PPFIBP1: variants seen among roughly 807,000 people sequenced by gnomAD.
PPFIBP1 encodes liprin-beta-1.
Under a neutral mutation model 137.8 loss-of-function variants are expected in PPFIBP1, and 112 were observed. The ratio of observed to expected loss-of-function variants is 0.81; its 90% CI spans 0.70 to 0.95. PPFIBP1 has a LOEUF of 0.95. Among genes scored for constraint, PPFIBP1 ranks in the 40% least tolerant of loss-of-function variants. PPFIBP1 has a pLI of 0.00. For synonymous variants in PPFIBP1, 378 were observed against 417.3 expected, an observed-to-expected ratio of 0.91 and a Z score of 1.15; for missense variants, 1,083 against 1,196.6, an observed-to-expected ratio of 0.91 and a Z score of 1.40.
chr12:27,629,134 G>A (rs2057077633), intron 2 of PPFIBP1, among the ~76,000 whole-genome samples: 1 of 152,196 alleles, frequency 6.6e-6, no homozygotes, highest in South Asian at 2.1e-4. Context: ...GCCTCAGTTA[G>A]AAGCTAAACG....
At chr12:27,692,535 C>T in intron 28 of PPFIBP1, 56 bp from the exon 29 acceptor site, 1 of 1,529,692 alleles carries the variant, frequency 6.5e-7, no homozygotes, top group Non-Finnish European at 9.0e-7. Context: ...CCTCCTGCTG[C>T]ACTTTCCCTG....
At chr12:27,659,480 G>A (rs2059410787) in intron 10 of PPFIBP1, among the ~76,000 whole-genome samples, 1 of 152,000 alleles carries the variant, frequency 6.6e-6, no homozygotes, top group African/African-American at 2.4e-5. Flanking sequence ...GAGCATGGTG[G>A]TGCATGCCTG....
intron 1 of PPFIBP1, among the ~76,000 whole-genome samples, chr12:27,575,293 T>C (rs2050466696): frequency 6.6e-6 from 1 of 152,192 alleles, no homozygotes; most frequent in South Asian, 2.1e-4. Flanking sequence ...TTTGGCCTTC[T>C]TACAGACCCT....
intron 1 of PPFIBP1, among the ~76,000 whole-genome samples, chr12:27,528,406 T>C (rs1944020045): frequency 6.6e-6 from 1 of 152,188 alleles, no homozygotes; most frequent in Admixed American, 6.5e-5. Flanking sequence ...GTGTGTTATG[T>C]CAGTTATTTT....
intron 7 of PPFIBP1, among the ~76,000 whole-genome samples, chr12:27,652,175 A>G (rs2058915008): frequency 6.6e-6 from 1 of 152,234 alleles, no homozygotes; most frequent in Non-Finnish European, 1.5e-5. Context: ...ATAATATTTA[A>G]CTTTCTCTTA....
At chr12:27,533,748 A>G (rs1054808756) in intron 1 of PPFIBP1, among the ~76,000 whole-genome samples, 5 of 152,226 alleles carry the variant, frequency 3.3e-5, no homozygotes, top group African/African-American at 9.7e-5. Flanking sequence ...AAGAGTATGT[A>G]GAGTAAAAAG....
At chr12:27,599,479 C>T (rs745679378) in intron 2 of PPFIBP1, 19 of 455,852 alleles carry the variant, frequency 4.2e-5, no homozygotes, top group East Asian at 6.9e-5. Context: ...TACATAAATG[C>T]GTGAGCCAAT....
chr12:27,623,178 T>C (rs1219571921), intron 2 of PPFIBP1, among the ~76,000 whole-genome samples: 1 of 152,066 alleles, frequency 6.6e-6, no homozygotes, highest in Non-Finnish European at 1.5e-5. Flanking sequence ...AAGGGAAGAA[T>C]GAGGTTAGAG....
At chr12:27,544,959 C>G (rs953797841) in intron 1 of PPFIBP1, among the ~76,000 whole-genome samples, 2 of 152,022 alleles carry the variant, frequency 1.3e-5, no homozygotes, top group African/African-American at 4.8e-5. Flanking sequence ...GCACTATTCA[C>G]AATAGCAAAG....
chr12:27,587,427 C>T (rs1332952051), intron 2 of PPFIBP1, among the ~76,000 whole-genome samples: 1 of 151,862 alleles, frequency 6.6e-6, no homozygotes, highest in African/African-American at 2.4e-5. Flanking sequence ...TCGAGACCAT[C>T]CTGGCTAACA....
rs77439640 is a variant in PPFIBP1 at position 27,551,141 on chromosome 12, G to T, written c.-124+26776G>T. Among the ~76,000 whole-genome samples, 222 of 152,120 alleles carry T rather than the reference G, an allele frequency of 1.5e-3. 5 individuals carry two copies. In the East Asian group the frequency reaches 0.04, roughly 27 times the overall value. On this transcript the variant is annotated intron_variant, in intron 1 of 29. Coordinates refer to ENST00000228425, the MANE Select transcript of PPFIBP1 (RefSeq NM_003622.4). The stretch of plus-strand genomic sequence containing the variant: ...GTAGTAAAAGTCAATCTGCACCATG[G>T]TAGTTAAGAGTTCAAGTTTACTTAT...
At chr12:27,687,631 A>C in intron 25 of PPFIBP1, 124 bp downstream of exon 25, 5 of 1,155,858 alleles carry the variant, frequency 4.3e-6, no homozygotes, top group Non-Finnish European at 6.0e-6. Context: ...AGCCTCATTT[A>C]CTTCTTAGGC....
chr12:27,662,563 G>T (rs2059618062), intron 11 of PPFIBP1, among the ~76,000 whole-genome samples: 1 of 152,162 alleles, frequency 6.6e-6, no homozygotes, highest in South Asian at 2.1e-4. Flanking sequence ...AAATTTACGG[G>T]TTGACAAGAT....
chr12:27,656,288 G>A (rs1565951755), intron 8 of PPFIBP1, among the ~76,000 whole-genome samples: 1 of 152,116 alleles, frequency 6.6e-6, no homozygotes, highest in African/African-American at 2.4e-5. Flanking sequence ...TATCTTCCTT[G>A]ATTAACTTGG....
At chr12:27,524,793 C>A (rs2135648153) in intron 1 of PPFIBP1, among the ~76,000 whole-genome samples, 1 of 151,976 alleles carries the variant, frequency 6.6e-6, no homozygotes, top group African/African-American at 2.4e-5. Flanking sequence ...TTTTTTGTCT[C>A]CTTGTGGCCT....
chr12:27,599,361 C>T (rs998499770), intron 2 of PPFIBP1: 3 of 430,118 alleles, frequency 7.0e-6, no homozygotes, highest in Middle Eastern at 3.4e-4. Flanking sequence ...CTGGCACTTA[C>T]ACTATCAGCC....
At chr12:27,636,825 C>T (rs929676923) in intron 4 of PPFIBP1, 1 of 152,208 alleles carries the variant, frequency 6.6e-6, no homozygotes, top group African/African-American at 2.4e-5. Flanking sequence ...TCTTGTCACA[C>T]ATCTCCTTAT....
At chr12:27,655,043 T>A in intron 8 of PPFIBP1, 2 of 1,067,198 alleles carry the variant, frequency 1.9e-6, no homozygotes, top group South Asian at 3.0e-5. Flanking sequence ...TTTCTCTGAG[T>A]TGTATCTAAC....
intron 14 of PPFIBP1, 30 bp downstream of exon 14, chr12:27,671,576 ATGTTC>A: frequency 1.5e-6 from 2 of 1,374,936 alleles, no homozygotes; most frequent in Non-Finnish European, 1.0e-6. Context: ...TGCAATATAA[ATGTTC>A]AAAAAAGTAG....
Sources: gnomAD v4.1 joint callset for allele counts (sites outside exome capture counted in the v4.1 genomes callset) on GRCh38, gnomAD v4.1.1 for gene constraint, MANE v1.5 for transcripts, NCBI Gene and HGNC (gene_info 2026-07-23, HGNC 2026-07-21) for gene names.